Variants in SNCAIP observed in about 807,000 individuals in gnomAD.
The protein encoded by SNCAIP is synphilin-1.
In SNCAIP, 43 loss-of-function variants were observed where a neutral mutation model predicts 86.7. The observed-to-expected ratio is 0.50, with a 90% CI of 0.39 to 0.64. The LOEUF is 0.64. SNCAIP is among the 30% of genes least tolerant of loss of function. SNCAIP has a pLI of 0.00. For missense variants in SNCAIP, 981 were observed against 1,103.1 expected, an observed-to-expected ratio of 0.89 and a Z score of 1.57; for synonymous variants, 417 against 427.2, an observed-to-expected ratio of 0.98 and a Z score of 0.29.
At chr5:122,399,023 ACT>A (rs1317706985) in intron 2 of SNCAIP, among the ~76,000 whole-genome samples, 3 of 151,984 alleles carry the variant, frequency 2.0e-5, no homozygotes, top group Non-Finnish European at 4.4e-5. Context: ...TGGGCCACAG[ACT>A]CTCTTCAGTG....
At chr5:122,431,799 C>T (rs1372322361) in intron 5 of SNCAIP, among the ~76,000 whole-genome samples, 170 bp from the exon 6 acceptor site, 1 of 151,946 alleles carries the variant, frequency 6.6e-6, no homozygotes, top group Non-Finnish European at 1.5e-5. Context: ...GAGCCAAATC[C>T]ACAGATCAGG....
At position 122,393,771 on chromosome 5, in the gene SNCAIP, G is replaced by A. The variant is rs777956443; in HGVS notation, c.57+2580G>A. On this transcript the variant is annotated intron_variant, in intron 2 of 10. Transcript: ENST00000261368. The stretch of plus-strand genomic sequence containing the variant: ...TTTAAATCCACTTGCAACTGAAGAC[G>A]CTCTACTTTGGCAACCTCTACAACA... Among the ~76,000 whole-genome samples, 7 of 152,262 alleles carry A rather than the reference G, an allele frequency of 4.6e-5. No homozygotes were observed. In the South Asian group the frequency reaches 8.3e-4, roughly 18 times the overall value.
intron 1 of SNCAIP, among the ~76,000 whole-genome samples, chr5:122,375,949 A>C (rs1487244197): frequency 1.3e-5 from 2 of 152,074 alleles, no homozygotes; most frequent in African/African-American, 4.8e-5. Context: ...GCCAAAGCTG[A>C]GGATAGCCAT....
chr5:122,378,065 T>C (rs1204568520), intron 1 of SNCAIP, among the ~76,000 whole-genome samples: 2 of 147,918 alleles, frequency 1.4e-5, no homozygotes, highest in African/African-American at 2.5e-5. Context: ...AGTAATGGGA[T>C]GGCTGGGTCA....
chr5:122,403,698 G>A, intron 2 of SNCAIP, 95 bp from the exon 3 acceptor site: 2 of 968,358 alleles, frequency 2.1e-6, no homozygotes, highest in Admixed American at 1.7e-5. Context: ...TTGTGCCCAA[G>A]TATCACTTAT....
At chr5:122,388,818 A>C (rs929312467) in intron 1 of SNCAIP, 1 of 152,276 alleles carries the variant, frequency 6.6e-6, no homozygotes, top group African/African-American at 2.4e-5. Flanking sequence ...GATCATGAAC[A>C]GAATGAGACA....
chr5:122,430,356 C>G (rs920585579), intron 5 of SNCAIP, among the ~76,000 whole-genome samples: 1 of 152,280 alleles, frequency 6.6e-6, no homozygotes, highest in South Asian at 2.1e-4. Flanking sequence ...TTGCGAGAAT[C>G]TAAGAGAGCA....
chr5:122,401,003 G>A, intron 2 of SNCAIP: 2 of 1,550,084 alleles, frequency 1.3e-6, no homozygotes, highest in Non-Finnish European at 1.7e-6. Context: ...GGAGTCAAGG[G>A]AACAGGCTAC....
At chr5:122,383,732 TA>T (rs1767492415) in intron 1 of SNCAIP, among the ~76,000 whole-genome samples, 1 of 152,156 alleles carries the variant, frequency 6.6e-6, no homozygotes, top group East Asian at 1.9e-4. Context: ...ATGTATAAAT[TA>T]AAGGGCAAAA....
chr5:122,405,314 G>C (rs1308333321), intron 3 of SNCAIP, among the ~76,000 whole-genome samples: 1 of 152,156 alleles, frequency 6.6e-6, no homozygotes, highest in Non-Finnish European at 1.5e-5. Context: ...GTATCAAAAG[G>C]TTACTTTGCA....
chr5:122,357,771 T>C (rs886366646), intron 1 of SNCAIP, among the ~76,000 whole-genome samples: 1 of 152,124 alleles, frequency 6.6e-6, no homozygotes, highest in Non-Finnish European at 1.5e-5. Context: ...AATGATGAAA[T>C]AAAGACTAAA....
At chr5:122,322,524 A>G (rs1753166561) in intron 1 of SNCAIP, among the ~76,000 whole-genome samples, 1 of 152,202 alleles carries the variant, frequency 6.6e-6, no homozygotes, top group South Asian at 2.1e-4. Context: ...GTCTAACCTC[A>G]GTTTTACCAT....
At chr5:122,444,446 T>C (rs563058348) in intron 7 of SNCAIP, 117 bp from the exon 8 acceptor site, 10 of 892,358 alleles carry the variant, frequency 1.1e-5, no homozygotes, top group Admixed American at 1.7e-5. Context: ...GTGTGTGATA[T>C]TGACTGCTGA....
At chr5:122,311,743 T>TG (rs1750609245), upstream of SNCAIP, 1 of 152,220 alleles carries the variant, frequency 6.6e-6, no homozygotes, top group Non-Finnish European at 1.5e-5. Flanking sequence ...GAGCCCCAGC[T>TG]GGGGAAAAGC....
At chr5:122,359,711 A>G (rs1385181555) in intron 1 of SNCAIP, among the ~76,000 whole-genome samples, 1 of 152,142 alleles carries the variant, frequency 6.6e-6, no homozygotes, top group African/African-American at 2.4e-5. Context: ...CAGATTCACT[A>G]TGCCTCACTC....
chr5:122,395,080 G>A (rs572059331), intron 2 of SNCAIP, among the ~76,000 whole-genome samples: 1 of 152,134 alleles, frequency 6.6e-6, no homozygotes, highest in African/African-American at 2.4e-5. Flanking sequence ...GATTGGCACT[G>A]TAGTGATTAC....
intron 1 of SNCAIP, among the ~76,000 whole-genome samples, chr5:122,387,930 A>C (rs1434953408): frequency 1.3e-5 from 2 of 152,258 alleles, no homozygotes; most frequent in Non-Finnish European, 2.9e-5. Flanking sequence ...TAAATCTTAG[A>C]ATACAAATGA....
At position 122,423,164 on chromosome 5, in the gene SNCAIP, C is replaced by T. The variant is rs1776734658; in HGVS notation, c.427C>T (p.Leu143=). The change falls in exon 4 of 11, where the codon CTG becomes TTG. Residue 143 remains leucine, a synonymous_variant. Coordinates refer to ENST00000261368, the MANE Select transcript of SNCAIP (RefSeq NM_005460.4). ...SSEPSTSLGE[L]EHYDLDMDEI... ...TGAGCCCAGCACATCGCTGGGTGAA[C>T]TGGAGCACTACGACCTCGACATGGA... 6.2e-7 allele frequency: 1 copy of T among 1,614,146 alleles called. No homozygotes were observed. Among genetic ancestry groups the T allele is most frequent in the Non-Finnish European group, 8.5e-7 (1 of 1,180,010 alleles).
At chr5:122,375,761 A>G (rs1765179584) in intron 1 of SNCAIP, among the ~76,000 whole-genome samples, 3 of 152,134 alleles carry the variant, frequency 2.0e-5, no homozygotes. Flanking sequence ...ATAAAAATAA[A>G]AAGACCTAAG....
Sources: allele counts gnomAD v4.1 joint callset (sites outside exome capture counted in the v4.1 genomes callset), GRCh38; gene constraint gnomAD v4.1.1; transcripts MANE v1.5; gene names NCBI Gene and HGNC (gene_info 2026-07-23, HGNC 2026-07-21).